Variants in SLC14A2 observed in about 807,000 individuals in gnomAD.
SLC14A2 encodes solute carrier family 14 member 2.
Under a neutral mutation model 104.6 loss-of-function variants are expected in SLC14A2, and 91 were observed. That is an observed-to-expected ratio of 0.87 (90% CI 0.73 to 1.04). The LOEUF (loss-of-function observed/expected upper bound fraction) is 1.04, where lower values mean the gene tolerates loss of function less well. Ranked by LOEUF, SLC14A2 falls within the 50% of genes least tolerant of loss-of-function variation. The pLI, the probability that SLC14A2 is intolerant of heterozygous loss-of-function variation, is 0.00. For synonymous variants in SLC14A2, 476 were observed against 466.4 expected (o/e 1.02, Z -0.27); for missense variants, 1,189 against 1,156.0 (o/e 1.03, Z -0.41).
chr18:45,671,785 G>C (rs1023776944), intron 16 of SLC14A2, among the ~76,000 whole-genome samples: 1 of 152,166 alleles, frequency 6.6e-6, no homozygotes, highest in East Asian at 1.9e-4. Context: ...AGAGAAGAGC[G>C]TCCTTGCCTT....
chr18:45,250,870 GAAGATGA>G, intron 1 of SLC14A2, among the ~76,000 whole-genome samples: 1 of 147,072 alleles, frequency 6.8e-6, no homozygotes, highest in Admixed American at 7.0e-5. Context: ...GGGAAACTTT[GAAGATGA>G]GATGCCTGAG....
chr18:45,636,853 A>G, intron 5 of SLC14A2, 137 bp from the exon 6 acceptor site: 1 of 637,344 alleles, frequency 1.6e-6, no homozygotes, highest in East Asian at 2.6e-5. Context: ...AGATCATTGG[A>G]ACACTGGAGT....
chr18:45,355,520 G>T (rs182869569), intron 1 of SLC14A2, among the ~76,000 whole-genome samples: 297 of 144,824 alleles, frequency 2.1e-3, no homozygotes, highest in African/African-American at 7.5e-3. Context: ...AGAGGTTGCA[G>T]TGAGCCGAGA....
intron 1 of SLC14A2, among the ~76,000 whole-genome samples, chr18:45,318,093 G>A (rs1212280348): frequency 1.3e-5 from 2 of 152,178 alleles, no homozygotes; most frequent in African/African-American, 4.8e-5. Context: ...TTTTTGATTA[G>A]GTGAATAAAT....
At position 45,516,992 on chromosome 18, in the gene SLC14A2, G is replaced by A. The variant is rs971845481; in HGVS notation, c.-35+33670G>A. On this transcript the variant is annotated intron_variant, in intron 2 of 20. Coordinates refer to the SLC14A2 transcript ENST00000586448. ...AGAAAGCACTGTGCAGACAGAGAGA[G>A]CTATTTCTTCTCTCTCCAGGCTCTC... is the stretch of plus-strand genomic sequence containing the variant. Among the ~76,000 whole-genome samples, 5 of 152,360 alleles carry A rather than the reference G, an allele frequency of 3.3e-5. No homozygotes were observed. The East Asian group carries it at 9.6e-4, about 29-fold the overall frequency.
In SLC14A2 at chr18:45,627,123, C is replaced by G. The variant is rs776551925; in HGVS notation, c.497C>G (p.Thr166Arg). ...GGLGTVVSTL[T>R]ALALGQDRSA... ...CTGGGGACAGTGGTCTCGACCTTAA[C>G]AGCTCTCGCCTTGGGCCAAGACAGG... Residue 166 changes from threonine to arginine, a missense_variant, in exon 4 of 20, where the codon ACA (threonine) becomes AGA (arginine). Physicochemically the swap from Thr to Arg is moderately conservative, Grantham distance 71. Coordinates refer to ENST00000255226, the MANE Select transcript of SLC14A2 (RefSeq NM_007163.4). 1.9e-6 allele frequency: 3 copies of G among 1,614,168 alleles called. No individual in the cohort carries two copies. The highest frequency in any genetic ancestry group is 2.2e-5 in the East Asian group (1 of 44,890).
At chr18:45,655,095 T>C (rs1011879832) in intron 10 of SLC14A2, among the ~76,000 whole-genome samples, 2 of 152,216 alleles carry the variant, frequency 1.3e-5, no homozygotes, top group African/African-American at 4.8e-5. Flanking sequence ...GGTTCTCCAG[T>C]GTCCACAAAT....
intron 1 of SLC14A2, among the ~76,000 whole-genome samples, chr18:45,367,493 T>A (rs2085677976): frequency 6.6e-6 from 1 of 152,214 alleles, no homozygotes; most frequent in Non-Finnish European, 1.5e-5. Context: ...AAATGGCACA[T>A]TGACCAAATC....
At chr18:45,264,740 A>G (rs998352593) in intron 1 of SLC14A2, among the ~76,000 whole-genome samples, 1 of 152,172 alleles carries the variant, frequency 6.6e-6, no homozygotes, top group Non-Finnish European at 1.5e-5. Flanking sequence ...GGCCTCCATG[A>G]TTCAATTATC....
chr18:45,554,573 C>T (rs767927739), intron 2 of SLC14A2, among the ~76,000 whole-genome samples: 37 of 151,934 alleles, frequency 2.4e-4, no homozygotes, highest in Non-Finnish European at 3.7e-4. Flanking sequence ...TTACTGTCTG[C>T]GCATGGCCAC....
At chr18:45,195,788 T>G in the SLC14A2 span, among the ~76,000 whole-genome samples, 1 of 151,854 alleles carries the variant, frequency 6.6e-6, no homozygotes, top group Non-Finnish European at 1.5e-5. Flanking sequence ...TCTTAAAATA[T>G]AATAGAATAG....
At chr18:45,414,828 A>G (rs548403230) in intron 1 of SLC14A2, among the ~76,000 whole-genome samples, 6 of 140,062 alleles carry the variant, frequency 4.3e-5, no homozygotes, top group African/African-American at 1.3e-4. Flanking sequence ...CAAGGATCTC[A>G]TAGTCTCAGA....
At chr18:45,516,224 C>CCCTT (rs1464481798) in intron 2 of SLC14A2, among the ~76,000 whole-genome samples, 1 of 152,132 alleles carries the variant, frequency 6.6e-6, no homozygotes, top group Non-Finnish European at 1.5e-5. Context: ...ACTACTGTTT[C>CCCTT]CCTTCCTTCC....
intron 1 of SLC14A2, among the ~76,000 whole-genome samples, chr18:45,462,117 TTC>T (rs2087057043): frequency 1.3e-5 from 2 of 152,212 alleles, no homozygotes; most frequent in Admixed American, 1.3e-4. Flanking sequence ...CAATCAATGT[TTC>T]TGTTTTCATA....
chr18:45,392,245 C>T lies in SLC14A2; in HGVS notation c.-124-90988C>T, dbSNP rs560356919. Among the ~76,000 whole-genome samples, 32 of 152,276 alleles carry T rather than the reference C, an allele frequency of 2.1e-4. No individual in the cohort carries two copies. In the East Asian group the frequency reaches 5.6e-3, roughly 27 times the overall value. On this transcript the variant is annotated intron_variant, in intron 1 of 20. Transcript: ENST00000586448. ...CCTCAGGACAGCTGCTGAGGTCTCC[C>T]CAACACACATGCTTCTCCCCTATGC...
chr18:45,432,353 A>C (rs1598804410), intron 1 of SLC14A2, among the ~76,000 whole-genome samples: 1 of 152,212 alleles, frequency 6.6e-6, no homozygotes, highest in Admixed American at 6.5e-5. Flanking sequence ...GGAATTCGCC[A>C]TTATGAAACC....
intron 1 of SLC14A2, among the ~76,000 whole-genome samples, chr18:45,283,017 G>A (rs970239827): frequency 2.0e-5 from 3 of 152,168 alleles, no homozygotes; most frequent in African/African-American, 7.2e-5. Context: ...AAAGACACAT[G>A]ACATGGTCAC....
chr18:45,546,922 G>C (rs1424132773), intron 2 of SLC14A2, among the ~76,000 whole-genome samples: 1 of 152,110 alleles, frequency 6.6e-6, no homozygotes. Flanking sequence ...CCTATGGGCT[G>C]GCTACTCTTG....
intron 1 of SLC14A2, among the ~76,000 whole-genome samples, chr18:45,412,826 G>A (rs1462109578): frequency 6.6e-6 from 1 of 152,132 alleles, no homozygotes; most frequent in African/African-American, 2.4e-5. Flanking sequence ...CCAGGCAGGT[G>A]GTCTAAGTAA....
Sources: allele counts gnomAD v4.1 joint callset (sites outside exome capture counted in the v4.1 genomes callset), GRCh38; gene constraint gnomAD v4.1.1; transcripts MANE v1.5; gene names NCBI Gene and HGNC (gene_info 2026-07-23, HGNC 2026-07-21).